CALN1: variants seen among roughly 807,000 people sequenced by gnomAD.
The protein encoded by CALN1 is calneuron 1, also known as calcium-binding protein 8.
In CALN1, 17 loss-of-function variants were observed where a neutral mutation model predicts 30.6. The ratio of observed to expected loss-of-function variants is 0.56; its 90% CI spans 0.38 to 0.83. The LOEUF (loss-of-function observed/expected upper bound fraction) is 0.83. Among genes scored for constraint, CALN1 ranks in the 40% least tolerant of loss-of-function variants. CALN1 has a pLI of 0.00. For synonymous variants in CALN1, 156 were observed against 131.4 expected, an observed-to-expected ratio of 1.19 and a Z score of -1.28; for missense variants, 291 against 354.9, an observed-to-expected ratio of 0.82 and a Z score of 1.45.
At chr7:72,499,770 TTTCTTTCCTTCCTTCC>T in the CALN1 span, among the ~76,000 whole-genome samples, 1 of 127,078 alleles carries the variant, frequency 7.9e-6, no homozygotes. Flanking sequence ...CAAAACTTTC[TTTCTTTCCTTCCTTCC>T]TTCCTTCCTT....
chr7:72,281,637 T>C (rs1314270271), intron 2 of CALN1, among the ~76,000 whole-genome samples: 1 of 152,230 alleles, frequency 6.6e-6, no homozygotes, highest in Non-Finnish European at 1.5e-5. Flanking sequence ...TCTGTTCTTA[T>C]CTAATTCACT....
chr7:71,928,476 G>A (rs982008059), intron 5 of CALN1, among the ~76,000 whole-genome samples: 1 of 150,616 alleles, frequency 6.6e-6, no homozygotes, highest in African/African-American at 2.4e-5. Flanking sequence ...GTCTGTCCGT[G>A]TTTTGTACAG....
chr7:72,011,229 A>G (rs1005502604), intron 5 of CALN1, among the ~76,000 whole-genome samples: 1 of 152,118 alleles, frequency 6.6e-6, no homozygotes, highest in South Asian at 2.1e-4. Context: ...AAAAAACAAA[A>G]AAAAACAAAA....
chr7:71,902,390 CTAT>C (rs1319978919), intron 5 of CALN1, among the ~76,000 whole-genome samples: 2 of 152,008 alleles, frequency 1.3e-5, no homozygotes, highest in East Asian at 3.9e-4. Flanking sequence ...GTCAGAGTAA[CTAT>C]TATTAGTAAT....
intron 4 of CALN1, among the ~76,000 whole-genome samples, chr7:72,054,382 T>C (rs1803041649): frequency 6.7e-6 from 1 of 148,666 alleles, no homozygotes; most frequent in African/African-American, 2.5e-5. Context: ...TTCTGTATGC[T>C]TGTTGGCTGC....
At chr7:72,356,368 TGA>T (rs1339685885) in intron 2 of CALN1, among the ~76,000 whole-genome samples, 1 of 151,914 alleles carries the variant, frequency 6.6e-6, no homozygotes, top group Non-Finnish European at 1.5e-5. Context: ...GTAAAATACA[TGA>T]AAACAATTGC....
At chr7:72,128,729 A>C (rs1261980554) in intron 3 of CALN1, among the ~76,000 whole-genome samples, 2 of 152,128 alleles carry the variant, frequency 1.3e-5, no homozygotes, top group African/African-American at 2.4e-5. Flanking sequence ...AAAATTAGCC[A>C]GGTGTGGTGG....
chr7:72,013,160 G>C (rs1800183082), intron 5 of CALN1, among the ~76,000 whole-genome samples: 1 of 151,412 alleles, frequency 6.6e-6, no homozygotes, highest in South Asian at 2.1e-4. Flanking sequence ...GTGTGAACTA[G>C]AAATGCTTTA....
chr7:72,379,828 C>T (rs1804782929), intron 2 of CALN1, among the ~76,000 whole-genome samples: 1 of 152,204 alleles, frequency 6.6e-6, no homozygotes. Flanking sequence ...GATGTTAGGA[C>T]TTAAAGCCTG....
At chr7:72,448,516 T>C (rs554560183), upstream of CALN1, among the ~76,000 whole-genome samples, 2 of 152,210 alleles carry the variant, frequency 1.3e-5, no homozygotes, top group South Asian at 4.2e-4. Flanking sequence ...CCGCCACACC[T>C]CATCCTCACA....
chr7:72,030,513 C>A (rs1027848219), intron 4 of CALN1, among the ~76,000 whole-genome samples: 1 of 152,122 alleles, frequency 6.6e-6, no homozygotes, highest in African/African-American at 2.4e-5. Flanking sequence ...GAATACCCCC[C>A]AAAAGTTATC....
intron 5 of CALN1, among the ~76,000 whole-genome samples, chr7:71,811,880 T>C (rs189884728): frequency 6.6e-6 from 1 of 151,820 alleles, no homozygotes; most frequent in East Asian, 2.0e-4. Context: ...GGTTTCGCCA[T>C]GTTGGTCAAG....
intron 4 of CALN1, among the ~76,000 whole-genome samples, chr7:72,096,672 T>C (rs1395250124): frequency 6.6e-6 from 1 of 152,148 alleles, no homozygotes; most frequent in East Asian, 1.9e-4. Context: ...CCTAGTAGTG[T>C]GGTTGTGGAG....
At chr7:71,976,723 T>C (rs913024402) in intron 5 of CALN1, among the ~76,000 whole-genome samples, 2 of 152,226 alleles carry the variant, frequency 1.3e-5, no homozygotes, top group South Asian at 2.1e-4. Flanking sequence ...GGATGGCAGA[T>C]AGAAAAAGAA....
At chr7:72,485,698 C>T in the CALN1 span, among the ~76,000 whole-genome samples, 1,455 of 152,172 alleles carry the variant, frequency 9.6e-3, 8 homozygotes, top group Non-Finnish European at 0.015. Context: ...TGGTGAAACC[C>T]CGTCTCTATT....
chr7:72,311,195 T>C (rs971523724), intron 2 of CALN1, among the ~76,000 whole-genome samples: 2 of 152,144 alleles, frequency 1.3e-5, no homozygotes, highest in Non-Finnish European at 2.9e-5. Context: ...ATTTAACGAA[T>C]AGTAATAAAT....
chr7:72,076,302 T>C (rs932713604), intron 4 of CALN1, among the ~76,000 whole-genome samples: 1 of 141,260 alleles, frequency 7.1e-6, no homozygotes, highest in African/African-American at 2.6e-5. Context: ...AATTAAAAAT[T>C]AAAAAAAAAA....
intron 3 of CALN1, among the ~76,000 whole-genome samples, chr7:72,265,019 T>G (rs761732556): frequency 6.6e-6 from 1 of 152,186 alleles, no homozygotes; most frequent in East Asian, 1.9e-4. Flanking sequence ...TTTGTAGTAT[T>G]TGTAGAGACA....
At chr7:71,871,831 G>T (rs1791950335) in intron 5 of CALN1, among the ~76,000 whole-genome samples, 1 of 151,732 alleles carries the variant, frequency 6.6e-6, no homozygotes, top group Non-Finnish European at 1.5e-5. Context: ...ATAAATGTCA[G>T]CTCCCCTGTT....
Sources: allele counts gnomAD v4.1 joint callset (sites outside exome capture counted in the v4.1 genomes callset), GRCh38; gene constraint gnomAD v4.1.1; transcripts MANE v1.5; gene names NCBI Gene and HGNC (gene_info 2026-07-23, HGNC 2026-07-21).